ERG: variants seen among roughly 807,000 people sequenced by gnomAD.
The protein encoded by ERG is ETS transcription factor ERG.
In ERG, 9 loss-of-function variants were observed where a neutral mutation model predicts 55.3. That is an observed-to-expected ratio of 0.16 (90% CI 0.10 to 0.28). The LOEUF is 0.28. Among genes scored for constraint, ERG ranks in the 10% least tolerant of loss-of-function variants. The pLI is 1.00. For missense variants in ERG, 434 were observed against 631.6 expected (o/e 0.69, Z 3.35); for synonymous variants, 223 against 237.3 (o/e 0.94, Z 0.55).
chr21:38,388,985 T>C (rs1216765857), intron 9 of ERG, among the ~76,000 whole-genome samples: 6 of 152,242 alleles, frequency 3.9e-5, no homozygotes, highest in African/African-American at 9.6e-5. Context: ...TATGTTTCAT[T>C]TGGCCAATGT....
At chr21:38,559,899 C>A (rs111678193) in intron 2 of ERG, among the ~76,000 whole-genome samples, 2,626 of 152,186 alleles carry the variant, frequency 0.017, 75 homozygotes, top group African/African-American at 0.059. Flanking sequence ...GTCAGGCTGG[C>A]CTCGAACTCC....
intron 2 of ERG, among the ~76,000 whole-genome samples, chr21:38,425,482 T>C (rs975952296): frequency 6.6e-5 from 10 of 152,160 alleles, no homozygotes; most frequent in East Asian, 3.8e-4. Flanking sequence ...AGAAAATACA[T>C]GTCAGTGCCT....
chr21:38,517,674 C>T (rs2059562045), intron 2 of ERG, among the ~76,000 whole-genome samples: 1 of 152,138 alleles, frequency 6.6e-6, no homozygotes, highest in Non-Finnish European at 1.5e-5. Context: ...TACCGCAGCA[C>T]TATTTACCAT....
At chr21:38,479,801 G>A (rs1401476511) in intron 1 of ERG, among the ~76,000 whole-genome samples, 1 of 152,158 alleles carries the variant, frequency 6.6e-6, no homozygotes, top group Non-Finnish European at 1.5e-5. Context: ...GAGGTGCAAC[G>A]GCAAAACAAG....
At position 38,452,362 on chromosome 21, in the gene ERG, C is replaced by T. The variant is rs148216826; in HGVS notation, c.19-6741G>A. On this transcript the variant is annotated intron_variant, in intron 1 of 9. Transcript: ENST00000288319. ...ACATACACACACATATATACAGATA[C>T]GCACATGCATATACACAAATACATA... Among the ~76,000 whole-genome samples, 787 of 152,172 alleles carry T rather than the reference C, an allele frequency of 5.2e-3. 13 individuals carry two copies. The highest frequency in any genetic ancestry group is 0.038 in the Admixed American group (588 of 15,276).
intron 2 of ERG, among the ~76,000 whole-genome samples, chr21:38,575,204 C>T (rs2059987452): frequency 6.6e-6 from 1 of 152,156 alleles, no homozygotes; most frequent in African/African-American, 2.4e-5. Flanking sequence ...CTACTTGTCT[C>T]CTGCTCGCTA....
intron 1 of ERG, among the ~76,000 whole-genome samples, chr21:38,470,329 C>A (rs1015033744): frequency 6.6e-6 from 1 of 151,746 alleles, no homozygotes; most frequent in Non-Finnish European, 1.5e-5. Context: ...AAAAGATGAC[C>A]TAACTCATTT....
chr21:38,603,396 A>G (rs61079927), intron 1 of ERG, among the ~76,000 whole-genome samples: 10,932 of 151,952 alleles, frequency 0.072, 785 homozygotes, highest in African/African-American at 0.18. Flanking sequence ...CGAGGTGGGC[A>G]GATCACAAGG....
At chr21:38,598,998 C>T (rs1273825053) in intron 1 of ERG, among the ~76,000 whole-genome samples, 1 of 152,240 alleles carries the variant, frequency 6.6e-6, no homozygotes, top group Non-Finnish European at 1.5e-5. Flanking sequence ...CATCCATGTG[C>T]AGATGCACCA....
At chr21:38,595,299 A>G (rs13052546) in intron 1 of ERG, among the ~76,000 whole-genome samples, 75,854 of 151,654 alleles carry the variant, frequency 0.5, 19,203 homozygotes, top group Middle Eastern at 0.6. Context: ...GGCTGCCACG[A>G]TCCAGCCCAA....
intron 2 of ERG, among the ~76,000 whole-genome samples, chr21:38,520,020 T>TACAC (rs376769671): frequency 7.3e-6 from 1 of 137,154 alleles, no homozygotes; most frequent in Non-Finnish European, 1.5e-5. Flanking sequence ...CACACACACA[T>TACAC]ACACACACAC....
intron 1 of ERG, among the ~76,000 whole-genome samples, chr21:38,626,499 C>T (rs2060325534): frequency 6.6e-6 from 1 of 152,098 alleles, no homozygotes; most frequent in South Asian, 2.1e-4. Context: ...GACACTGCAG[C>T]ATTACTCACA....
rs181029468 is a variant in ERG, at chr21:38,504,710, C to T, written c.-41+70952G>A. Among the ~76,000 whole-genome samples the T allele has an allele frequency of 2.4e-3, 373 of 152,308 alleles. 1 individual carries two copies. The highest frequency in any genetic ancestry group is 4.1e-3 in the Non-Finnish European group (277 of 68,026). On this transcript the variant is annotated intron_variant, in intron 2 of 8. Coordinates refer to the ERG transcript ENST00000398897. ...CATCTGACTGGCATCCCACTCTACC[C>T]CCGACTCAGATCCAAAGTATCCTTT... is the stretch of plus-strand genomic sequence containing the variant.
At chr21:38,430,644 C>T (rs9974912) in intron 2 of ERG, among the ~76,000 whole-genome samples, 19,229 of 152,176 alleles carry the variant, frequency 0.13, 1,399 homozygotes, top group South Asian at 0.25. Context: ...CCAGGGGGCC[C>T]CAAGAGGTGG....
intron 1 of ERG, among the ~76,000 whole-genome samples, chr21:38,654,683 G>A (rs1568975786): frequency 6.6e-6 from 1 of 152,160 alleles, no homozygotes; most frequent in Non-Finnish European, 1.5e-5. Flanking sequence ...ACTCTGTAGT[G>A]AAGTAAGTTT....
chr21:38,611,507 C>T (rs1288448158), intron 1 of ERG, among the ~76,000 whole-genome samples: 1 of 151,312 alleles, frequency 6.6e-6, no homozygotes, highest in African/African-American at 2.4e-5. Context: ...AGGCAACTGG[C>T]AAGGCAACTG....
At chr21:38,402,734 AAGAAAAAG>A (rs1375020694) in intron 4 of ERG, 97 bp from the exon 5 acceptor site, 1 of 805,784 alleles carries the variant, frequency 1.2e-6, no homozygotes, top group African/African-American at 1.8e-5. Flanking sequence ...AAAAAAAAGA[AAGAAAAAG>A]AAAGAAAGAA....
chr21:38,567,815 T>G (rs1483525921), intron 2 of ERG, among the ~76,000 whole-genome samples: 1 of 152,158 alleles, frequency 6.6e-6, no homozygotes, highest in Non-Finnish European at 1.5e-5. Flanking sequence ...CAAGGCAGAT[T>G]CGGGCGCTTT....
chr21:38,591,138 T>C (rs1897606296), intron 1 of ERG, among the ~76,000 whole-genome samples: 1 of 152,170 alleles, frequency 6.6e-6, no homozygotes, highest in African/African-American at 2.4e-5. Context: ...ATCTAAGTCA[T>C]GGAAGCCAAG....
Sources: gnomAD v4.1 joint callset for allele counts (sites outside exome capture counted in the v4.1 genomes callset) on GRCh38, gnomAD v4.1.1 for gene constraint, MANE v1.5 for transcripts, NCBI Gene and HGNC (gene_info 2026-07-23, HGNC 2026-07-21) for gene names.